The following NBAS variants were observed in gnomAD, a reference collection of about 807,000 sequenced individuals.
The protein encoded by NBAS is NAG/BC035112 fusion.
Under a neutral mutation model 302.5 loss-of-function variants are expected in NBAS, and 219 were observed. That is an observed-to-expected ratio of 0.72 (90% CI 0.65 to 0.81). NBAS has a LOEUF of 0.81. Among genes scored for constraint, NBAS ranks in the 30% least tolerant of loss-of-function variants. The probability of loss-of-function intolerance (pLI) is 0.00; values close to 1 mark genes in which losing one functional copy is unlikely to be tolerated. For synonymous variants in NBAS, 1,118 were observed against 1,021.6 expected (o/e 1.09, Z -1.80); for missense variants, 2,932 against 2,841.6 (o/e 1.03, Z -0.72).
At chr2:15,379,866 G>A (rs764154569) in intron 29 of NBAS, 35 bp from the exon 30 acceptor site, 1 of 1,583,220 alleles carries the variant, frequency 6.3e-7, no homozygotes, top group South Asian at 1.1e-5. Context: ...TAGTTATAGA[G>A]AGGGAAGATT....
intron 28 of NBAS, among the ~76,000 whole-genome samples, chr2:15,389,794 T>A (rs936238446): frequency 4.6e-5 from 7 of 152,350 alleles, no homozygotes; most frequent in African/African-American, 1.4e-4. Flanking sequence ...GGTCTCACTC[T>A]GTCACCCAGA....
At chr2:15,070,315 A>G in the NBAS span, among the ~76,000 whole-genome samples, 2 of 152,170 alleles carry the variant, frequency 1.3e-5, no homozygotes, top group Non-Finnish European at 2.9e-5. Context: ...TTGTATACAC[A>G]GGGTCCACCC....
intron 2 of NBAS, among the ~76,000 whole-genome samples, 179 bp downstream of exon 2, chr2:15,558,401 C>T (rs1460487986): frequency 3.9e-5 from 6 of 152,064 alleles, no homozygotes; most frequent in African/African-American, 2.4e-5. Flanking sequence ...GAGCTAAAAA[C>T]GTGCATGCGT....
intron 48 of NBAS, among the ~76,000 whole-genome samples, chr2:15,214,196 G>T (rs1666549526): frequency 6.6e-6 from 1 of 152,160 alleles, no homozygotes; most frequent in African/African-American, 2.4e-5. Flanking sequence ...AATTTTTAAA[G>T]ATTTGATATT....
intron 7 of NBAS, among the ~76,000 whole-genome samples, chr2:15,538,923 T>C (rs1407541917): frequency 6.6e-6 from 1 of 152,206 alleles, no homozygotes; most frequent in South Asian, 2.1e-4. Flanking sequence ...CTTGAAGTTG[T>C]TCCTGTTGTG....
At chr2:15,149,328 C>A in the NBAS span, among the ~76,000 whole-genome samples, 1 of 152,234 alleles carries the variant, frequency 6.6e-6, no homozygotes, top group Non-Finnish European at 1.5e-5. Flanking sequence ...CCTTGGATCT[C>A]CCAGCCTCCA....
chr2:14,954,067 G>A, the NBAS span, among the ~76,000 whole-genome samples: 1 of 152,120 alleles, frequency 6.6e-6, no homozygotes, highest in African/African-American at 2.4e-5. Flanking sequence ...AAACCAAAGT[G>A]GTCTGACGAA....
intron 35 of NBAS, among the ~76,000 whole-genome samples, chr2:15,331,295 C>T (rs1287578797): frequency 6.6e-6 from 1 of 152,138 alleles, no homozygotes; most frequent in Non-Finnish European, 1.5e-5. Flanking sequence ...GTGTACGGTA[C>T]CTCCTGCCAA....
chr2:15,553,401 G>A (rs1310300810), intron 5 of NBAS, 25 bp downstream of exon 5: 11 of 1,577,626 alleles, frequency 7.0e-6, no homozygotes, highest in Non-Finnish European at 9.6e-6. Context: ...AGGAAATCTT[G>A]AATATGAATA....
chr2:15,176,523 T>C (rs1311685926), intron 51 of NBAS, among the ~76,000 whole-genome samples: 2 of 152,160 alleles, frequency 1.3e-5, no homozygotes, highest in South Asian at 2.1e-4. Flanking sequence ...ATCTGTATAA[T>C]GTTGACAGAT....
intron 32 of NBAS, among the ~76,000 whole-genome samples, chr2:15,360,677 TA>T (rs1673870345): frequency 1.4e-5 from 2 of 148,044 alleles, no homozygotes; most frequent in South Asian, 2.1e-4. Context: ...TTTAACTTTC[TA>T]AAACTTTTCT....
intron 8 of NBAS, among the ~76,000 whole-genome samples, chr2:15,534,948 C>A (rs1663413372): frequency 6.6e-6 from 1 of 152,088 alleles, no homozygotes; most frequent in African/African-American, 2.4e-5. Context: ...GTTGTAACAG[C>A]ATTATTTGCA....
intron 45 of NBAS, among the ~76,000 whole-genome samples, chr2:15,236,724 T>C (rs976628114): frequency 6.6e-6 from 1 of 151,974 alleles, no homozygotes; most frequent in African/African-American, 2.4e-5. Context: ...TTTACTCTAC[T>C]TCTCCTAATT....
At chr2:15,255,925 G>A (rs1187794038) in intron 44 of NBAS, among the ~76,000 whole-genome samples, 2 of 152,158 alleles carry the variant, frequency 1.3e-5, no homozygotes, top group African/African-American at 4.8e-5. Flanking sequence ...ATTTTCATAC[G>A]AGTACAGTGC....
chr2:15,454,901 A>T (rs1178290643), intron 21 of NBAS, among the ~76,000 whole-genome samples: 2 of 142,952 alleles, frequency 1.4e-5, no homozygotes, highest in African/African-American at 5.3e-5. Flanking sequence ...ACATAAAACT[A>T]TACTGCAATT....
intron 48 of NBAS, among the ~76,000 whole-genome samples, chr2:15,208,421 A>G (rs930946866): frequency 6.6e-6 from 1 of 152,196 alleles, no homozygotes; most frequent in African/African-American, 2.4e-5. Flanking sequence ...TTGGGGACAT[A>G]GCCAAACCAT....
At chr2:14,907,162 G>C in the NBAS span, among the ~76,000 whole-genome samples, 5 of 152,220 alleles carry the variant, frequency 3.3e-5, no homozygotes, top group African/African-American at 1.2e-4. Flanking sequence ...CCCTCTACTG[G>C]CCTCTAGTGA....
the NBAS span, among the ~76,000 whole-genome samples, chr2:15,122,428 A>G: frequency 6.6e-6 from 1 of 152,140 alleles, no homozygotes. Flanking sequence ...AAACACCCAG[A>G]TCGCATGTGA....
chr2:15,094,122 T>C, the NBAS span, among the ~76,000 whole-genome samples: 1 of 152,186 alleles, frequency 6.6e-6, no homozygotes, highest in East Asian at 1.9e-4. Context: ...TGGCTCTCCT[T>C]TGAAACATGC....
Sources: allele counts gnomAD v4.1 joint callset (sites outside exome capture counted in the v4.1 genomes callset), GRCh38; gene constraint gnomAD v4.1.1; transcripts MANE v1.5; gene names NCBI Gene and HGNC (gene_info 2026-07-23, HGNC 2026-07-21).